The following GLP2R variants were observed in gnomAD, a reference collection of about 807,000 sequenced individuals.
The protein encoded by GLP2R is glucagon like peptide 2 receptor.
GLP2R carries 59 observed loss-of-function variants against 68.2 expected under a neutral mutation model. The ratio of observed to expected loss-of-function variants is 0.87; its 90% CI spans 0.70 to 1.07. GLP2R has a LOEUF of 1.07. Ranked by LOEUF, GLP2R falls within the 50% of genes least tolerant of loss-of-function variation. The pLI, the probability that GLP2R is intolerant of heterozygous loss-of-function variation, is 0.00. For missense variants in GLP2R, 548 were observed against 677.4 expected, an observed-to-expected ratio of 0.81 and a Z score of 2.12; for synonymous variants, 270 against 265.4, an observed-to-expected ratio of 1.02 and a Z score of -0.17.
chr17:9,874,606 A>C (rs868589481), intron 10 of GLP2R, among the ~76,000 whole-genome samples: 21 of 152,178 alleles, frequency 1.4e-4, no homozygotes, highest in African/African-American at 5.1e-4. Flanking sequence ...AGTACAGGGA[A>C]CCCATCTATA....
chr17:9,863,943 T>G (rs754765819), intron 9 of GLP2R, among the ~76,000 whole-genome samples: 13 of 152,136 alleles, frequency 8.5e-5, no homozygotes, highest in Non-Finnish European at 1.3e-4. Flanking sequence ...CCCTGAAAGG[T>G]TCTTGCTAAC....
intron 2 of GLP2R, 122 bp downstream of exon 2, chr17:9,834,016 G>A: frequency 1.4e-6 from 1 of 732,296 alleles, no homozygotes; most frequent in Non-Finnish European, 2.5e-6. Flanking sequence ...ATTCAGACAG[G>A]GCACACTGGG....
In GLP2R at chr17:9,836,403, G is replaced by A. The variant is rs763064178; in HGVS notation, c.310G>A (p.Val104Met). 1.1e-5 allele frequency: 18 copies of A among 1,611,160 alleles called. No homozygotes were observed. The highest frequency in any genetic ancestry group is 2.7e-5 in the African/African-American group (2 of 74,846). The change falls in exon 3 of 13, where the codon GTG becomes ATG. Residue 104 changes from valine to methionine, a missense_variant. Coordinates refer to ENST00000262441, the MANE Select transcript of GLP2R (RefSeq NM_004246.3). ...IFCNGTFDQY[V>M]CWPHSSPGNV... Reference sequence around the variant, plus strand: ...TTGTAACGGGACATTTGATCAGTACGTGTGTTGGCCTCATTCTTCTCCTGG... The same window carrying A: ...TTGTAACGGGACATTTGATCAGTACATGTGTTGGCCTCATTCTTCTCCTGG...
At position 9,880,420 on chromosome 17, in the gene GLP2R, T is replaced by C. The variant is rs778737736; in HGVS notation, c.1188T>C (p.Val396=). The C allele has an allele frequency of 6.2e-7, 1 of 1,601,596 alleles. No individual in the cohort carries two copies. The highest frequency in any genetic ancestry group is 1.1e-5 in the South Asian group (1 of 89,564). ...TGGTCCTCATTCCTTTATTGGGCGTTCATGAGATCCTCTTCTCTTTCATCA... is the reference window on the plus strand; with the variant it reads ...TGGTCCTCATTCCTTTATTGGGCGTCCATGAGATCCTCTTCTCTTTCATCA... ...STLVLIPLLG[V]HEILFSFITD... The change falls in exon 11 of 13, where the codon GTT becomes GTC. Residue 396 remains valine, a synonymous_variant. Coordinates refer to ENST00000262441, the MANE Select transcript of GLP2R (RefSeq NM_004246.3).
In GLP2R at chr17:9,889,752, G is replaced by T; in HGVS notation, c.*47G>T. On this transcript the variant is annotated 3_prime_UTR_variant, in exon 13 of 13. Transcript: ENST00000262441. Reference sequence around the variant, plus strand: ...CTCTGCTCCCAGGGACTCTTGAGGGGGCCCAGGAAGAGGAAGCAAAGCAGG... The same window carrying T: ...CTCTGCTCCCAGGGACTCTTGAGGGTGCCCAGGAAGAGGAAGCAAAGCAGG... 8.0e-7 allele frequency: 1 copy of T among 1,254,432 alleles called. No homozygotes were observed. 77.7% of individuals were successfully genotyped at this position (1,254,432 alleles called of 1,614,324 possible). A position where few individuals can be genotyped will look rare whatever the true frequency, so the allele number is the denominator to read the frequency against.
intron 5 of GLP2R, among the ~76,000 whole-genome samples, chr17:9,856,402 T>A (rs2066933907): frequency 2.0e-5 from 3 of 152,164 alleles, no homozygotes; most frequent in Admixed American, 6.5e-5. Context: ...CACAAGAACC[T>A]GCCTCAGGTC....
At position 9,832,327 on chromosome 17, in the gene GLP2R, C is replaced by T. The variant is rs201393209; in HGVS notation, c.190-1480C>T. On this transcript the variant is annotated intron_variant, in intron 1 of 12. Coordinates refer to ENST00000262441, the MANE Select transcript of GLP2R (RefSeq NM_004246.3). ...CAGTGGTTCATGCCTGTAATCCTAGCACTTTGGGAGGCTGAGGAGGGCGGA... is the reference window on the plus strand; with the variant it reads ...CAGTGGTTCATGCCTGTAATCCTAGTACTTTGGGAGGCTGAGGAGGGCGGA... 1.4e-4 allele frequency among the ~76,000 whole-genome samples: 22 copies of T among 152,228 alleles called. No homozygotes were observed. In the East Asian group the frequency reaches 1.7e-3, roughly 12 times the overall value.
intron 11 of GLP2R, 68 bp downstream of exon 11, chr17:9,880,584 C>G: frequency 8.9e-7 from 1 of 1,128,772 alleles, no homozygotes; most frequent in Non-Finnish European, 1.3e-6. Flanking sequence ...CCGAAACAGG[C>G]TCAGAATTAA....
At chr17:9,848,504 G>GA (rs1333098905) in intron 4 of GLP2R, among the ~76,000 whole-genome samples, 1 of 152,178 alleles carries the variant, frequency 6.6e-6, no homozygotes, top group Non-Finnish European at 1.5e-5. Flanking sequence ...AGAACCACAA[G>GA]TGTGCGGACA....
At chr17:9,866,023 C>G (rs2067033354) in intron 9 of GLP2R, 1 of 423,514 alleles carries the variant, frequency 2.4e-6, no homozygotes, top group African/African-American at 2.0e-5. Context: ...TGCTGCCCTC[C>G]CAATCTGCAC....
At chr17:9,866,041 G>A (rs56207660) in intron 9 of GLP2R, 7,161 of 401,114 alleles carry the variant, frequency 0.018, 85 homozygotes, top group Non-Finnish European at 0.027. Flanking sequence ...CACAGCTCTA[G>A]GATTCTAGGA....
intron 9 of GLP2R, among the ~76,000 whole-genome samples, chr17:9,869,657 C>T (rs1030777161): frequency 1.3e-5 from 2 of 152,182 alleles, no homozygotes; most frequent in East Asian, 3.9e-4. Context: ...AGTTACCCCA[C>T]GTGGATCTCC....
intron 1 of GLP2R, 127 bp from the exon 2 acceptor site, chr17:9,833,680 T>C (rs2066701478): frequency 1.6e-6 from 1 of 627,160 alleles, no homozygotes; most frequent in African/African-American, 1.8e-5. Context: ...GCTGAAGAAA[T>C]GCCATTTCTT....
chr17:9,851,232 G>C (rs939902254), intron 4 of GLP2R, among the ~76,000 whole-genome samples: 2 of 151,852 alleles, frequency 1.3e-5, no homozygotes, highest in Admixed American at 6.6e-5. Context: ...CATGCTATTC[G>C]ACCCAGTAAT....
intron 11 of GLP2R, among the ~76,000 whole-genome samples, chr17:9,885,755 C>T (rs1022318300): frequency 2.0e-5 from 3 of 151,800 alleles, no homozygotes; most frequent in African/African-American, 2.4e-5. Flanking sequence ...AAAGGAGTCA[C>T]AAAGTCATCC....
chr17:9,844,287 C>T (rs986308869), intron 4 of GLP2R, among the ~76,000 whole-genome samples: 3 of 152,172 alleles, frequency 2.0e-5, no homozygotes, highest in Non-Finnish European at 4.4e-5. Flanking sequence ...ACATAACTAA[C>T]TTATGTGTTG....
intron 6 of GLP2R, among the ~76,000 whole-genome samples, chr17:9,858,257 G>A (rs1345245600): frequency 6.6e-6 from 1 of 152,222 alleles, no homozygotes; most frequent in Non-Finnish European, 1.5e-5. Context: ...ATTGAAATCT[G>A]CATCTATTGA....
At chr17:9,855,637 G>A (rs538053477) in intron 5 of GLP2R, among the ~76,000 whole-genome samples, 26 of 152,326 alleles carry the variant, frequency 1.7e-4, no homozygotes, top group African/African-American at 6.3e-4. Flanking sequence ...GCATTAAGTC[G>A]TTTAAATGTC....
intron 1 of GLP2R, among the ~76,000 whole-genome samples, chr17:9,829,739 C>T (rs2066663617): frequency 6.6e-6 from 1 of 152,110 alleles, no homozygotes. Context: ...GTCTTTCATT[C>T]ACAGAGAGAA....
Sources: gnomAD v4.1 joint callset for allele counts (sites outside exome capture counted in the v4.1 genomes callset) on GRCh38, gnomAD v4.1.1 for gene constraint, MANE v1.5 for transcripts, NCBI Gene and HGNC (gene_info 2026-07-23, HGNC 2026-07-21) for gene names.